Variants in FAM131B observed in about 807,000 individuals in gnomAD.
The protein encoded by FAM131B is protein FAM131B.
In FAM131B, 19 loss-of-function variants were observed where a neutral mutation model predicts 42.0. That is an observed-to-expected ratio of 0.45 (90% CI 0.32 to 0.66). The LOEUF (loss-of-function observed/expected upper bound fraction) is 0.66. Ranked by LOEUF, FAM131B falls within the 30% of genes least tolerant of loss-of-function variation. The probability of loss-of-function intolerance (pLI) is 0.05; values close to 1 mark genes in which losing one functional copy is unlikely to be tolerated. For synonymous variants in FAM131B, 183 were observed against 177.6 expected (o/e 1.03, Z -0.24); for missense variants, 370 against 468.4 (o/e 0.79, Z 1.94).
At chr7:143,371,599 G>A in the FAM131B span, among the ~76,000 whole-genome samples, 4 of 116,138 alleles carry the variant, frequency 3.4e-5, no homozygotes, top group Admixed American at 2.3e-4. Flanking sequence ...GGGCAACACC[G>A]CAAGACCCTG....
At chr7:143,381,073 TG>T in the FAM131B span, 1 of 359,442 alleles carries the variant, frequency 2.8e-6, no homozygotes, top group Non-Finnish European at 3.6e-6. Context: ...GCTCAGGGAG[TG>T]GGGGTCTGAG....
At chr7:143,381,713 C>A in the FAM131B span, 1 of 1,602,948 alleles carries the variant, frequency 6.2e-7, no homozygotes, top group Non-Finnish European at 8.5e-7. Context: ...CGAGCCTCCC[C>A]CGGCACCCGG....
chr7:143,361,900 AAGCCCCCATCTCCTCCCCGCGTCCCCC>A, intron 1 of FAM131B: 1 of 216,252 alleles, frequency 4.6e-6, no homozygotes, highest in Non-Finnish European at 7.8e-6. Context: ...CAGCGCCTCG[AAGCCCCCATCTCCTCCCCGCGTCCCCC>A]AGCCCCTTCC....
At chr7:143,368,044 C>T in the FAM131B span, among the ~76,000 whole-genome samples, 7 of 152,304 alleles carry the variant, frequency 4.6e-5, no homozygotes, top group East Asian at 1.9e-4. Context: ...CAGCAGATCG[C>T]GCCTGCATAT....
chr7:143,381,787 G>T, the FAM131B span: 3 of 1,556,462 alleles, frequency 1.9e-6, no homozygotes, highest in African/African-American at 4.1e-5. Context: ...AAGGTATGCG[G>T]CGGGGCTTGG....
chr7:143,359,925 G>T lies in FAM131B; in HGVS notation c.138+115C>A. On this transcript the variant is annotated intron_variant, in intron 2 of 6. Coordinates refer to ENST00000443739, the MANE Select transcript of FAM131B (RefSeq NM_001031690.3). This position sits in a 1 kb window ranked among gnomAD's most constrained non-coding sequence, Gnocchi z 5.4. ...GTTCTCCATGTGGACTGCTTGGCAT[G>T]TGTTGTGAGAAATGTTCTGTAGAAG... 3.0e-6 allele frequency: 3 copies of T among 1,003,406 alleles called. No homozygotes were observed. The highest frequency in any genetic ancestry group is 4.6e-6 in the Non-Finnish European group (3 of 652,128). The allele number at this position is 1,003,406 out of a possible 1,614,324, so 62.2% of individuals were successfully genotyped here.
At chr7:143,365,982 C>T (rs1408696625), upstream of FAM131B, among the ~76,000 whole-genome samples, 1 of 152,184 alleles carries the variant, frequency 6.6e-6, no homozygotes, top group Non-Finnish European at 1.5e-5. Context: ...GAACTCCTGG[C>T]CTCAAGCAAT....
Position 143,362,515 on chromosome 7 carries a change from G to A in FAM131B, c.28+61C>T. The A allele has an allele frequency of 1.3e-6, 1 of 742,834 alleles. No individual in the cohort carries two copies. The highest frequency in any genetic ancestry group is 1.8e-6 in the Non-Finnish European group (1 of 543,846). 46.0% of individuals were successfully genotyped at this position (742,834 alleles called of 1,614,324 possible). A position where few individuals can be genotyped will look rare whatever the true frequency, so the allele number is the denominator to read the frequency against. On this transcript the variant is annotated intron_variant, in intron 1 of 6. Transcript: ENST00000443739. The surrounding 1 kb of genome is among the most constrained non-coding windows in gnomAD (Gnocchi z 7.7). The stretch of plus-strand genomic sequence containing the variant: ...CGGAGGCGCGAGGAGAGGGATGGGG[G>A]AGGGGGTCGGAGGGCGGCCCGGGGG...
chr7:143,370,656 G>C, the FAM131B span, among the ~76,000 whole-genome samples: 1 of 152,074 alleles, frequency 6.6e-6, no homozygotes, highest in East Asian at 1.9e-4. Context: ...GTTACCTTAT[G>C]GTCTAAAATG....
Position 143,356,991 on chromosome 7 carries a change from C to T in FAM131B, c.642G>A (p.Trp214Ter). The T allele has an allele frequency of 6.2e-7, 1 of 1,613,730 alleles. No individual in the cohort carries two copies. The highest frequency in any genetic ancestry group is 8.5e-7 in the Non-Finnish European group (1 of 1,179,864). The change falls in exon 7 of 7, where the codon TGG becomes TGA. Residue 214 changes from tryptophan to a stop codon, truncating the protein, a stop_gained. Coordinates refer to ENST00000443739, the MANE Select transcript of FAM131B (RefSeq NM_001031690.3). LOFTEE classifies it high-confidence loss of function. This position sits in a 1 kb window ranked among gnomAD's most constrained non-coding sequence, Gnocchi z 4.4. Reference sequence around the variant, plus strand: ...TACCCTGGGACACGTAAGAGTGAGGCCATCCATCCATGGGTGCTTGAGCCA... The same window carrying T: ...TACCCTGGGACACGTAAGAGTGAGGTCATCCATCCATGGGTGCTTGAGCCA... ...DALAQAPMDGWPHSYVSQGMY... is the reference protein window; with the variant it reads ...DALAQAPMDG
chr7:143,364,442 T>A (rs1436765903), upstream of FAM131B, among the ~76,000 whole-genome samples: 2 of 152,198 alleles, frequency 1.3e-5, no homozygotes, highest in African/African-American at 2.4e-5. Context: ...CTGAAACTTC[T>A]GTCTCCTTAT....
At position 143,362,122 on chromosome 7, in the gene FAM131B, T is replaced by C; in HGVS notation, c.28+454A>G. The stretch of plus-strand genomic sequence containing the variant: ...GCCAGATGGAGGCGGCGGCGGGGGG[T>C]GGCGTGGGGGGCGTGCGAAAGAAAC... On this transcript the variant is annotated intron_variant, in intron 1 of 6. Coordinates refer to ENST00000443739, the MANE Select transcript of FAM131B (RefSeq NM_001031690.3). This position sits in a 1 kb window ranked among gnomAD's most constrained non-coding sequence, Gnocchi z 7.7. 1.4e-6 allele frequency: 1 copy of C among 728,888 alleles called. No homozygotes were observed. The highest frequency in any genetic ancestry group is 1.7e-6 in the Non-Finnish European group (1 of 600,882). The allele number at this position is 728,888 out of a possible 1,614,324, so 45.2% of individuals were successfully genotyped here.
intron 6 of FAM131B, 26 bp from the exon 7 acceptor site, chr7:143,357,048 T>C (rs1193090256): frequency 9.1e-6 from 14 of 1,533,022 alleles, no homozygotes; most frequent in Non-Finnish European, 1.3e-5. Flanking sequence ...TGGAGGTCAG[T>C]GGGGCCACAG....
the FAM131B span, among the ~76,000 whole-genome samples, chr7:143,368,186 A>T: frequency 6.6e-5 from 10 of 152,352 alleles, no homozygotes; most frequent in East Asian, 1.9e-3. Context: ...GGATGCCAGG[A>T]CCAAGGAGGC....
Position 143,356,203 on chromosome 7 carries a change from A to T in FAM131B, c.*347T>A. 1 of 271,782 alleles carries T rather than the reference A, an allele frequency of 3.7e-6. No homozygotes were observed. Among genetic ancestry groups the T allele is most frequent in the Admixed American group, 4.8e-5 (1 of 21,034 alleles). The allele number at this position is 271,782 out of a possible 1,614,324, so 16.8% of individuals were successfully genotyped here. On this transcript the variant is annotated 3_prime_UTR_variant, in exon 7 of 7. Coordinates refer to ENST00000443739, the MANE Select transcript of FAM131B (RefSeq NM_001031690.3). The surrounding 1 kb of genome is among the most constrained non-coding windows in gnomAD (Gnocchi z 4.4). ...GACGAAATCGGGGCGTGAAGAACTG[A>T]GATCCAGTCTTGAGCACAGCTGCGC... is the stretch of plus-strand genomic sequence containing the variant.
rs1455730198 is a variant in FAM131B, at chr7:143,354,420, T to A, written c.*2130A>T. ...AGCTGTCCACCGTGGTCTGGGGGTATGATATGGGCACTGAGAGGATGAGAC... is the reference window on the plus strand; with the variant it reads ...AGCTGTCCACCGTGGTCTGGGGGTAAGATATGGGCACTGAGAGGATGAGAC... On this transcript the variant is annotated 3_prime_UTR_variant, in exon 7 of 7. Transcript: ENST00000443739. 1 of 152,124 alleles carries A rather than the reference T, an allele frequency of 6.6e-6. No homozygotes were observed. Among genetic ancestry groups the A allele is most frequent in the Non-Finnish European group, 1.5e-5 (1 of 68,076 alleles). The allele number at this position is 152,124 out of a possible 1,614,324, so 9.4% of individuals were successfully genotyped here.
At chr7:143,357,859 T>C (rs1195743010) in intron 5 of FAM131B, among the ~76,000 whole-genome samples, 1 of 152,184 alleles carries the variant, frequency 6.6e-6, no homozygotes, top group Non-Finnish European at 1.5e-5. Flanking sequence ...GGGAGAATTG[T>C]AGGGGACTTC....
At chr7:143,381,452 C>A in the FAM131B span, 2 of 1,295,416 alleles carry the variant, frequency 1.5e-6, no homozygotes, top group East Asian at 6.4e-5. Context: ...GGGGAGGGGG[C>A]GCGGGGCGCC....
chr7:143,372,898 G>A, the FAM131B span, among the ~76,000 whole-genome samples: 1 of 151,708 alleles, frequency 6.6e-6, no homozygotes, highest in African/African-American at 2.4e-5. Flanking sequence ...GGCGGAGGTT[G>A]CAGTTGAGCC....
Sources: allele counts gnomAD v4.1 joint callset (sites outside exome capture counted in the v4.1 genomes callset), GRCh38; gene constraint gnomAD v4.1.1; non-coding constraint Gnocchi (gnomAD v3.1); transcripts MANE v1.5; gene names NCBI Gene and HGNC (gene_info 2026-07-23, HGNC 2026-07-21).